Variants in TENM2 observed in about 807,000 individuals in gnomAD.
The protein encoded by TENM2 is teneurin transmembrane protein 2.
TENM2 carries 52 observed loss-of-function variants against 245.2 expected under a neutral mutation model. The observed-to-expected ratio is 0.21, with a 90% CI of 0.17 to 0.27. The LOEUF (loss-of-function observed/expected upper bound fraction) is 0.27, where lower values mean the gene tolerates loss of function less well. Ranked by LOEUF, TENM2 falls within the 10% of genes least tolerant of loss-of-function variation. The pLI is 1.00. For synonymous variants in TENM2, 1,363 were observed against 1,438.9 expected (o/e 0.95, Z 1.19); for missense variants, 3,046 against 3,666.8 (o/e 0.83, Z 4.37).
chr5:167,000,759 G>T, the TENM2 span, among the ~76,000 whole-genome samples: 1 of 152,102 alleles, frequency 6.6e-6, no homozygotes, highest in Non-Finnish European at 1.5e-5. Flanking sequence ...TTAAATTTGT[G>T]ATTTACATGT....
intron 2 of TENM2, among the ~76,000 whole-genome samples, chr5:167,674,206 G>C (rs1031676219): frequency 6.6e-6 from 1 of 152,058 alleles, no homozygotes. Flanking sequence ...ACCTTCTTGC[G>C]TGCAGTTTAG....
intron 2 of TENM2, among the ~76,000 whole-genome samples, chr5:167,530,805 C>T (rs1261457064): frequency 6.6e-6 from 1 of 152,162 alleles, no homozygotes; most frequent in South Asian, 2.1e-4. Flanking sequence ...TGTCTGTTTA[C>T]TGTTTCCCTC....
At chr5:168,126,807 C>T (rs375663573) in exon 12 of TENM2, 61 of 1,613,210 alleles carry the variant, frequency 3.8e-5, no homozygotes, top group Non-Finnish European at 4.8e-5. Flanking sequence ...GGGAGCCTGC[C>T]GCTGTGAAGA....
At chr5:167,310,190 G>C (rs556888484) in intron 1 of TENM2, among the ~76,000 whole-genome samples, 1 of 152,358 alleles carries the variant, frequency 6.6e-6, no homozygotes, top group East Asian at 1.9e-4. Context: ...TTTATTACAA[G>C]ATGCTGTTAT....
At chr5:167,080,271 A>G in the TENM2 span, among the ~76,000 whole-genome samples, 2 of 152,088 alleles carry the variant, frequency 1.3e-5, no homozygotes, top group East Asian at 3.9e-4. Context: ...ATTATCAGAG[A>G]TTTTTTTTCT....
At chr5:168,036,705 G>GTA (rs1562081525) in intron 5 of TENM2, among the ~76,000 whole-genome samples, 7 of 88,310 alleles carry the variant, frequency 7.9e-5, no homozygotes, top group Non-Finnish European at 1.4e-4. Flanking sequence ...ATATATGTAT[G>GTA]TGTATATATA....
chr5:168,038,674 A>G lies in TENM2; in HGVS notation c.1187-8753A>G, dbSNP rs138667028. 1.7e-4 allele frequency among the ~76,000 whole-genome samples: 26 copies of G among 152,362 alleles called. 1 individual carries two copies. In the East Asian group the frequency reaches 4.4e-3, roughly 26 times the overall value. ...ATCTGTTTGCCCAAGGTATCCGCTTATGCATAGTTGTGCAGAAATGTGAAC... is the reference window on the plus strand; with the variant it reads ...ATCTGTTTGCCCAAGGTATCCGCTTGTGCATAGTTGTGCAGAAATGTGAAC... On this transcript the variant is annotated intron_variant, in intron 5 of 28. Coordinates refer to ENST00000518659, the Ensembl canonical transcript of TENM2.
At chr5:167,445,333 A>AGG (rs1465074088) in intron 2 of TENM2, among the ~76,000 whole-genome samples, 7,936 of 69,926 alleles carry the variant, frequency 0.11, 405 homozygotes, top group East Asian at 0.21. Context: ...ATATATATAT[A>AGG]TATAGAGAGA....
At chr5:168,221,123 A>G (rs766529201) in intron 23 of TENM2, among the ~76,000 whole-genome samples, 2 of 151,626 alleles carry the variant, frequency 1.3e-5, no homozygotes, top group African/African-American at 4.8e-5. Flanking sequence ...AAAAAAAAAA[A>G]GAAAAAGAAA....
intron 3 of TENM2, among the ~76,000 whole-genome samples, chr5:167,900,167 A>C (rs1775591906): frequency 1.4e-5 from 2 of 144,198 alleles, no homozygotes; most frequent in African/African-American, 2.6e-5. Flanking sequence ...AAGGAATGAT[A>C]TCTTTCTCCG....
intron 6 of TENM2, among the ~76,000 whole-genome samples, chr5:168,054,622 G>A (rs961998370): frequency 3.9e-5 from 6 of 152,162 alleles, no homozygotes; most frequent in Admixed American, 6.5e-5. Context: ...TCACTTGTTT[G>A]GGGAATAGTT....
chr5:168,259,179 G>A (rs1165114924), intron 27 of TENM2, among the ~76,000 whole-genome samples: 1 of 152,188 alleles, frequency 6.6e-6, no homozygotes, highest in Non-Finnish European at 1.5e-5. Flanking sequence ...TCAGCAGAGG[G>A]CAGGACACTT....
At chr5:167,827,206 A>G (rs947667829) in intron 2 of TENM2, among the ~76,000 whole-genome samples, 4 of 152,246 alleles carry the variant, frequency 2.6e-5, no homozygotes, top group African/African-American at 9.6e-5. Flanking sequence ...ACTTTTTTCC[A>G]ACCAATGTTA....
chr5:167,534,460 T>C (rs1771717471), intron 2 of TENM2, among the ~76,000 whole-genome samples: 1 of 152,210 alleles, frequency 6.6e-6, no homozygotes, highest in Admixed American at 6.5e-5. Context: ...GCCAGTTAAA[T>C]TTGAATTTCA....
At chr5:167,674,517 C>A (rs907343469) in intron 2 of TENM2, among the ~76,000 whole-genome samples, 1 of 152,054 alleles carries the variant, frequency 6.6e-6, no homozygotes, top group East Asian at 1.9e-4. Flanking sequence ...ATTTGAAAGG[C>A]AGAATTGCAG....
In TENM2 at chr5:167,364,265, C is replaced by T. The variant is rs528040774; in HGVS notation, c.227-10933C>T. Among the ~76,000 whole-genome samples the T allele has an allele frequency of 2.0e-5, 3 of 152,042 alleles. No homozygotes were observed. In the East Asian group the frequency reaches 5.8e-4, roughly 29 times the overall value. ...TAGAATGCTAAATAGACTGGTACAA[C>T]ATACGTATTGTAGTCCTTAGAGCAC... is the stretch of plus-strand genomic sequence containing the variant. On this transcript the variant is annotated intron_variant, in intron 1 of 28. Coordinates refer to ENST00000518659, the Ensembl canonical transcript of TENM2.
chr5:167,447,916 A>C (rs1351646265), intron 2 of TENM2, among the ~76,000 whole-genome samples: 2 of 152,168 alleles, frequency 1.3e-5, no homozygotes, highest in African/African-American at 2.4e-5. Context: ...GGGCTTGTCC[A>C]GGGCTGAGTT....
intron 12 of TENM2, among the ~76,000 whole-genome samples, chr5:168,135,358 C>T (rs1754955802): frequency 6.6e-6 from 1 of 152,230 alleles, no homozygotes; most frequent in Non-Finnish European, 1.5e-5. Context: ...TGGGTTCAAT[C>T]TTTACCAACC....
At chr5:167,594,766 G>A (rs1418274929) in intron 2 of TENM2, among the ~76,000 whole-genome samples, 1 of 152,182 alleles carries the variant, frequency 6.6e-6, no homozygotes, top group African/African-American at 2.4e-5. Flanking sequence ...ACCTCAAGCG[G>A]GGATTGTCTG....
Sources: allele counts gnomAD v4.1 joint callset (sites outside exome capture counted in the v4.1 genomes callset), GRCh38; gene constraint gnomAD v4.1.1; transcripts MANE v1.5; gene names NCBI Gene and HGNC (gene_info 2026-07-23, HGNC 2026-07-21).